Variants in HEATR5B observed in about 807,000 individuals in gnomAD.
HEATR5B encodes HEAT repeat-containing protein 5B.
Under a neutral mutation model 224.1 loss-of-function variants are expected in HEATR5B, and 156 were observed. That is an observed-to-expected ratio of 0.70 (90% CI 0.61 to 0.80). The LOEUF (loss-of-function observed/expected upper bound fraction) is 0.80. Ranked by LOEUF, HEATR5B falls within the 30% of genes least tolerant of loss-of-function variation. The probability of loss-of-function intolerance (pLI) is 0.00; values close to 1 mark genes in which losing one functional copy is unlikely to be tolerated. For missense variants in HEATR5B, 2,323 were observed against 2,535.5 expected, an observed-to-expected ratio of 0.92 and a Z score of 1.80; for synonymous variants, 1,027 against 893.0, an observed-to-expected ratio of 1.15 and a Z score of -2.68.
chr2:37,045,698 A>T (rs568484144), intron 18 of HEATR5B, among the ~76,000 whole-genome samples: 4 of 152,182 alleles, frequency 2.6e-5, no homozygotes, highest in Middle Eastern at 3.4e-3. Context: ...CCTCTCTGTT[A>T]TTCCACCCTA....
At chr2:37,029,200 T>C (rs1668964323) in intron 22 of HEATR5B, among the ~76,000 whole-genome samples, 1 of 152,346 alleles carries the variant, frequency 6.6e-6, no homozygotes, top group East Asian at 1.9e-4. Flanking sequence ...TAAGAAAAAG[T>C]GTGGGACAGA....
intron 29 of HEATR5B, 54 bp downstream of exon 29, chr2:37,006,996 G>A: frequency 6.5e-7 from 1 of 1,548,152 alleles, no homozygotes; most frequent in Non-Finnish European, 8.9e-7. Flanking sequence ...TAAAATGAAA[G>A]ATATGAATTT....
intron 29 of HEATR5B, among the ~76,000 whole-genome samples, chr2:37,006,582 G>A (rs998563787): frequency 3.3e-5 from 5 of 152,010 alleles, no homozygotes; most frequent in African/African-American, 1.2e-4. Context: ...CGGAGGTTGC[G>A]GTGAACCGAG....
chr2:37,011,442 C>T (rs977482845), intron 27 of HEATR5B, among the ~76,000 whole-genome samples: 1 of 152,158 alleles, frequency 6.6e-6, no homozygotes, highest in African/African-American at 2.4e-5. Flanking sequence ...TCTATGTATG[C>T]ATTTTTCCTC....
intron 3 of HEATR5B, among the ~76,000 whole-genome samples, chr2:37,078,791 T>C (rs1225031470): frequency 6.6e-6 from 1 of 152,190 alleles, no homozygotes; most frequent in Non-Finnish European, 1.5e-5. Flanking sequence ...TTCTCAAATA[T>C]ACTACTCCTC....
chr2:36,990,563 G>A, intron 34 of HEATR5B, 85 bp downstream of exon 34: 1 of 1,222,470 alleles, frequency 8.2e-7, no homozygotes, highest in Non-Finnish European at 1.1e-6. Context: ...TTTTCATTAT[G>A]TATCACATAT....
At chr2:37,058,383 A>G in intron 14 of HEATR5B, 68 bp downstream of exon 14, 1 of 890,106 alleles carries the variant, frequency 1.1e-6, no homozygotes, top group South Asian at 1.4e-5. Flanking sequence ...GCCTTTGTCA[A>G]GACTCTATAA....
chr2:37,005,563 C>G, intron 30 of HEATR5B, 69 bp downstream of exon 30: 1 of 1,445,162 alleles, frequency 6.9e-7, no homozygotes, highest in African/African-American at 1.4e-5. Flanking sequence ...AAAATCCATC[C>G]TTTTTTCCAT....
At chr2:37,072,323 C>A in intron 5 of HEATR5B, 42 bp from the exon 6 acceptor site, 1 of 1,405,272 alleles carries the variant, frequency 7.1e-7, no homozygotes, top group South Asian at 1.2e-5. Context: ...CCTATAACAT[C>A]TGCTTCCAGA....
intron 10 of HEATR5B, among the ~76,000 whole-genome samples, chr2:37,064,013 C>T (rs1671440759): frequency 6.6e-6 from 1 of 152,022 alleles, no homozygotes; most frequent in Non-Finnish European, 1.5e-5. Context: ...AAGGTTTCAC[C>T]ATGTTAACCA....
At chr2:37,032,433 C>G (rs1473682721) in intron 22 of HEATR5B, among the ~76,000 whole-genome samples, 196 bp downstream of exon 22, 1 of 151,920 alleles carries the variant, frequency 6.6e-6, no homozygotes, top group African/African-American at 2.4e-5. Context: ...GCCCAACTTG[C>G]AAAAATTTTT....
At chr2:37,062,343 T>C (rs949611455) in intron 10 of HEATR5B, among the ~76,000 whole-genome samples, 15 of 152,126 alleles carry the variant, frequency 9.9e-5, no homozygotes, top group South Asian at 2.1e-4. Context: ...GGCAGGAGAA[T>C]TGCTTGAACT....
At chr2:37,078,772 C>T (rs1000231200) in intron 3 of HEATR5B, among the ~76,000 whole-genome samples, 1 of 152,154 alleles carries the variant, frequency 6.6e-6, no homozygotes, top group African/African-American at 2.4e-5. Context: ...TATCCCTAGG[C>T]ATCTTCTCTT....
rs536630907 is a variant in HEATR5B, at chr2:37,027,843, C to T, written c.3853+80G>A. On this transcript the variant is annotated intron_variant, in intron 24 of 35. Coordinates refer to ENST00000233099, the MANE Select transcript of HEATR5B (RefSeq NM_019024.3). ...ATATTCTAAAGCACGCTATATCTGT[C>T]GCAGTAAAATATCTCATAGCAGCAA... 229 of 1,384,718 alleles carry T rather than the reference C, an allele frequency of 1.7e-4. 3 individuals carry two copies. The South Asian group carries it at 1.9e-3, about 11-fold the overall frequency. The allele number at this position is 1,384,718 out of a possible 1,614,324, so 85.8% of individuals were successfully genotyped here. A position where few individuals can be genotyped will look rare whatever the true frequency, so the allele number is the denominator to read the frequency against.
intron 12 of HEATR5B, 48 bp downstream of exon 12, chr2:37,060,533 T>C: frequency 7.0e-7 from 1 of 1,438,502 alleles, no homozygotes; most frequent in Non-Finnish European, 9.3e-7. Flanking sequence ...TTTACAAATA[T>C]TTTAGTTATG....
intron 33 of HEATR5B, among the ~76,000 whole-genome samples, chr2:36,994,317 A>G (rs1028750960): frequency 6.6e-6 from 1 of 152,176 alleles, no homozygotes; most frequent in Non-Finnish European, 1.5e-5. Flanking sequence ...AAAACGAAAA[A>G]CAATGTTGAA....
At chr2:37,032,933 C>T (rs574367391) in intron 21 of HEATR5B, among the ~76,000 whole-genome samples, 160 bp from the exon 22 acceptor site, 29 of 150,242 alleles carry the variant, frequency 1.9e-4, no homozygotes, top group Admixed American at 7.3e-4. Context: ...CAGGCTGGAG[C>T]GCAGTGGCGT....
At chr2:37,017,898 A>T (rs1476176495) in intron 26 of HEATR5B, among the ~76,000 whole-genome samples, 1 of 152,124 alleles carries the variant, frequency 6.6e-6, no homozygotes, top group Non-Finnish European at 1.5e-5. Flanking sequence ...TATGTTCATG[A>T]TCTGACCCTA....
At chr2:37,016,052 A>G (rs1668092283) in intron 26 of HEATR5B, among the ~76,000 whole-genome samples, 1 of 152,150 alleles carries the variant, frequency 6.6e-6, no homozygotes, top group South Asian at 2.1e-4. Flanking sequence ...AAGAGTTTCA[A>G]GAAGGAAGGG....
Sources: gnomAD v4.1 joint callset for allele counts (sites outside exome capture counted in the v4.1 genomes callset) on GRCh38, gnomAD v4.1.1 for gene constraint, MANE v1.5 for transcripts, NCBI Gene and HGNC (gene_info 2026-07-23, HGNC 2026-07-21) for gene names.